EFL1: variants seen among roughly 807,000 people sequenced by gnomAD.
The protein encoded by EFL1 is elongation factor-like GTPase 1.
EFL1 carries 76 observed loss-of-function variants against 126.7 expected under a neutral mutation model. The ratio of observed to expected loss-of-function variants is 0.60; its 90% CI spans 0.50 to 0.73. The LOEUF is 0.73. Ranked by LOEUF, EFL1 falls within the 30% of genes least tolerant of loss-of-function variation. The pLI, the probability that EFL1 is intolerant of heterozygous loss-of-function variation, is 0.00. For missense variants in EFL1, 1,128 were observed against 1,343.2 expected (o/e 0.84, Z 2.50); for synonymous variants, 410 against 448.4 (o/e 0.91, Z 1.08).
At chr15:82,201,011 T>C (rs2141281457) in intron 15 of EFL1, among the ~76,000 whole-genome samples, 2 of 152,330 alleles carry the variant, frequency 1.3e-5, no homozygotes, top group East Asian at 3.9e-4. Context: ...TAGCTGAGAC[T>C]ACATGCAAGT....
chr15:82,240,008 C>A (rs1488117716), intron 6 of EFL1, among the ~76,000 whole-genome samples: 1 of 152,146 alleles, frequency 6.6e-6, no homozygotes, highest in Non-Finnish European at 1.5e-5. Flanking sequence ...TATTCACAAT[C>A]CCTAGTGCAC....
chr15:82,207,436 C>T (rs1379341161), intron 15 of EFL1, among the ~76,000 whole-genome samples: 2 of 151,622 alleles, frequency 1.3e-5, no homozygotes, highest in South Asian at 2.1e-4. Flanking sequence ...TGCATTTAAA[C>T]GAAGGCAGGG....
chr15:82,183,905 A>G (rs2074277043), intron 15 of EFL1, among the ~76,000 whole-genome samples: 1 of 152,222 alleles, frequency 6.6e-6, no homozygotes, highest in Non-Finnish European at 1.5e-5. Context: ...CTTGAGCAGT[A>G]TGTATTAGTA....
chr15:82,167,264 C>T (rs187290586), intron 15 of EFL1, among the ~76,000 whole-genome samples: 1 of 152,184 alleles, frequency 6.6e-6, no homozygotes, highest in East Asian at 1.9e-4. Context: ...CAAACCCAAG[C>T]CCTTTATGAT....
intron 15 of EFL1, among the ~76,000 whole-genome samples, chr15:82,193,173 C>T (rs1452332148): frequency 6.6e-6 from 1 of 151,684 alleles, no homozygotes; most frequent in Admixed American, 6.6e-5. Flanking sequence ...GCTAAAACAC[C>T]CTAGGATTTT....
At chr15:82,170,957 C>T (rs1046761972) in intron 15 of EFL1, among the ~76,000 whole-genome samples, 1 of 152,132 alleles carries the variant, frequency 6.6e-6, no homozygotes, top group Non-Finnish European at 1.5e-5. Context: ...GCACAAAATG[C>T]TTAGTATAGT....
intron 15 of EFL1, among the ~76,000 whole-genome samples, chr15:82,164,451 C>T (rs2141243281): frequency 6.6e-6 from 1 of 152,272 alleles, no homozygotes; most frequent in African/African-American, 2.4e-5. Flanking sequence ...CCCTAAGCTA[C>T]CCTCCATACT....
intron 15 of EFL1, among the ~76,000 whole-genome samples, chr15:82,171,880 T>TAC (rs572831597): frequency 0.01 from 1,577 of 150,206 alleles, 28 homozygotes; most frequent in African/African-American, 0.035. Flanking sequence ...AATTTATATA[T>TAC]ACACACACAC....
At position 82,157,771 on chromosome 15, in the gene EFL1, C is replaced by T. The variant is rs371498555; in HGVS notation, c.1972G>A (p.Val658Ile). ...TGGACTTCTCCTGCTGTGACTAAAA[C>T]GTGCTCTCCCGTTTCCTGAATTAAA... ...QILIQETGEH[V>I]LVTAGEVHLQ... The change falls in exon 17 of 20, where the codon GTT becomes ATT. Residue 658 changes from valine to isoleucine, a missense_variant. Val to Ile is a conservative substitution (Grantham distance 29). This residue lies in a region of EFL1 where 561 missense variants were observed against 641.7 expected (regional missense o/e 0.87). Coordinates refer to ENST00000268206, the MANE Select transcript of EFL1 (RefSeq NM_024580.6). 44 of 1,614,014 alleles carry T rather than the reference C, an allele frequency of 2.7e-5. No individual in the cohort carries two copies. The highest frequency in any genetic ancestry group is 1.8e-4 in the East Asian group (8 of 44,888).
chr15:82,130,561 T>C lies in EFL1; in HGVS notation c.3175A>G (p.Ile1059Val). 6.2e-7 allele frequency: 1 copy of C among 1,613,456 alleles called. No homozygotes were observed. Among genetic ancestry groups the C allele is most frequent in the African/African-American group, 1.3e-5 (1 of 75,016 alleles). The change falls in exon 20 of 20, where the codon ATC becomes GTC. Residue 1059 changes from isoleucine (I) to valine (V), a missense_variant and splice_region_variant. Physicochemically the swap from Ile to Val is conservative, Grantham distance 29. Transcript: ENST00000268206. Reference protein sequence around the residue: ...SPQLVFSHWEIIPSDPFWVPT... With the variant: ...SPQLVFSHWEVIPSDPFWVPT... The stretch of plus-strand genomic sequence containing the variant: ...ACCCAGAAGGGGTCACTGGGAATGA[T>C]CTTGTAAAAGAAGATGACAGAATGT...
intron 15 of EFL1, among the ~76,000 whole-genome samples, chr15:82,191,617 A>C (rs981071248): frequency 6.7e-6 from 1 of 150,244 alleles, no homozygotes; most frequent in Non-Finnish European, 1.5e-5. Context: ...GCTTTCATCC[A>C]GATCCAGTTC....
intron 13 of EFL1, 93 bp from the exon 14 acceptor site, chr15:82,219,911 T>G (rs2074691689): frequency 8.0e-6 from 12 of 1,496,964 alleles, no homozygotes; most frequent in Middle Eastern, 3.6e-4. Context: ...ATGATATCTT[T>G]CGTCAAGTTT....
intron 7 of EFL1, among the ~76,000 whole-genome samples, chr15:82,235,533 G>T (rs1473139262): frequency 6.6e-6 from 1 of 151,832 alleles, no homozygotes; most frequent in Non-Finnish European, 1.5e-5. Flanking sequence ...ATGCAAGACT[G>T]GCTCAATATT....
At chr15:82,181,569 T>C (rs189138435) in intron 15 of EFL1, among the ~76,000 whole-genome samples, 82 of 152,274 alleles carry the variant, frequency 5.4e-4, no homozygotes, top group African/African-American at 1.9e-3. Flanking sequence ...ATCGGGAAAG[T>C]ATGGCAGCAT....
At chr15:82,160,645 A>G (rs1057251056) in intron 16 of EFL1, among the ~76,000 whole-genome samples, 3 of 151,900 alleles carry the variant, frequency 2.0e-5, no homozygotes, top group African/African-American at 7.3e-5. Context: ...ATAGGTATCA[A>G]AAATTTTTTT....
chr15:82,148,249 G>A (rs576849611), intron 18 of EFL1, among the ~76,000 whole-genome samples: 2 of 152,028 alleles, frequency 1.3e-5, no homozygotes, highest in South Asian at 4.2e-4. Context: ...GTGGTGGCAT[G>A]CGCCTGTAGT....
intron 15 of EFL1, among the ~76,000 whole-genome samples, chr15:82,195,863 G>A (rs761948698): frequency 2.6e-5 from 4 of 152,080 alleles, no homozygotes; most frequent in African/African-American, 7.2e-5. Flanking sequence ...CAGGAGCTCC[G>A]AGACACTAAC....
intron 15 of EFL1, among the ~76,000 whole-genome samples, chr15:82,213,429 A>C (rs1455218369): frequency 6.6e-6 from 1 of 152,224 alleles, no homozygotes; most frequent in Non-Finnish European, 1.5e-5. Context: ...GAGAAATGGT[A>C]TCTCTCCTTA....
At chr15:82,255,850 G>A (rs2075062027) in intron 3 of EFL1, among the ~76,000 whole-genome samples, 1 of 152,132 alleles carries the variant, frequency 6.6e-6, no homozygotes, top group South Asian at 2.1e-4. Context: ...ACATTGATAA[G>A]TCTTGCCAGT....
Sources: gnomAD v4.1 joint callset for allele counts (sites outside exome capture counted in the v4.1 genomes callset) on GRCh38, gnomAD v4.1.1 for gene constraint, gnomAD v4.1.1 regional missense constraint, MANE v1.5 for transcripts, NCBI Gene and HGNC (gene_info 2026-07-23, HGNC 2026-07-21) for gene names.